METTL4: variants seen among roughly 807,000 people sequenced by gnomAD.
METTL4 encodes N(6)-adenine-specific methyltransferase METTL4.
In METTL4, 40 loss-of-function variants were observed where a neutral mutation model predicts 54.0. The ratio of observed to expected loss-of-function variants is 0.74; its 90% CI spans 0.58 to 0.96. METTL4 has a LOEUF of 0.96. Among genes scored for constraint, METTL4 ranks in the 50% least tolerant of loss-of-function variants. The probability of loss-of-function intolerance (pLI) is 0.00; values close to 1 mark genes in which losing one functional copy is unlikely to be tolerated. For synonymous variants in METTL4, 169 were observed against 183.8 expected, an observed-to-expected ratio of 0.92 and a Z score of 0.65; for missense variants, 525 against 549.0, an observed-to-expected ratio of 0.96 and a Z score of 0.44.
At position 2,537,842 on chromosome 18, in the gene METTL4, T is replaced by C; in HGVS notation, c.*1158A>G. On this transcript the variant is annotated 3_prime_UTR_variant, in exon 9 of 9. Coordinates refer to ENST00000574538, the MANE Select transcript of METTL4 (RefSeq NM_022840.5). ...ATTACACATTGCATGATTCCATTTA[T>C]ATGAAATTCTCAAACAGCAGAACTA... 2.5e-6 allele frequency: 1 copy of C among 398,486 alleles called. No individual in the cohort carries two copies. Among genetic ancestry groups the C allele is most frequent in the Non-Finnish European group, 4.4e-6 (1 of 226,008 alleles). 24.7% of individuals were successfully genotyped at this position (398,486 alleles called of 1,614,324 possible).
intron 5 of METTL4, 43 bp from the exon 6 acceptor site, chr18:2,547,572 A>G: frequency 2.0e-6 from 3 of 1,480,278 alleles, no homozygotes; most frequent in Non-Finnish European, 2.7e-6. Flanking sequence ...TTCACTGCAA[A>G]AGAAGAAAAC....
rs190277090 is a variant in METTL4 at position 2,559,454 on chromosome 18, G to A, written c.459+4343C>T. On this transcript the variant is annotated intron_variant, in intron 3 of 8. Transcript: ENST00000574538. The stretch of plus-strand genomic sequence containing the variant: ...ACCAGGCAGCAGGGGAAGGGGGAGT[G>A]GGGAGTTACTATTTAATGTGTAGTT... Among the ~76,000 whole-genome samples, 1,060 of 152,074 alleles carry A rather than the reference G, an allele frequency of 7.0e-3. 15 individuals are homozygous for A. Among genetic ancestry groups the A allele is most frequent in the African/African-American group, 0.024 (1,013 of 41,474 alleles).
intron 8 of METTL4, chr18:2,540,500 A>C: frequency 1.0e-6 from 1 of 985,302 alleles, no homozygotes; most frequent in South Asian, 4.7e-5. Flanking sequence ...ATACTTGTTC[A>C]TCTGTCAGAA....
At position 2,567,205 on chromosome 18, in the gene METTL4, T is replaced by C. The variant is rs201338969; in HGVS notation, c.12A>G (p.Val4=). The change falls in exon 2 of 9, where the codon GTA becomes GTG. Residue 4 remains valine (V), a synonymous_variant. Transcript: ENST00000574538. MSV[V]HQLSAGWLLD... The stretch of plus-strand genomic sequence containing the variant: ...GTAACCACCCAGCTGACAACTGGTG[T>C]ACCACAGACATTCCCTTCCTTTAAA... 3.1e-4 allele frequency: 493 copies of C among 1,591,342 alleles called. No homozygotes were observed. Among genetic ancestry groups the C allele is most frequent in the Non-Finnish European group, 4.1e-4 (484 of 1,168,394 alleles).
At chr18:2,550,890 C>A (rs1445560541) in intron 5 of METTL4, among the ~76,000 whole-genome samples, 2 of 152,076 alleles carry the variant, frequency 1.3e-5, no homozygotes, top group African/African-American at 4.8e-5. Context: ...ATCAGCCGGG[C>A]GCGGTGGCTC....
chr18:2,544,095 CTGACT>C (rs1199573234), intron 8 of METTL4, 95 bp downstream of exon 8: 1 of 806,586 alleles, frequency 1.2e-6, no homozygotes. Context: ...CAACCTACGT[CTGACT>C]TAATTTCCGA....
chr18:2,564,002 T>C, intron 2 of METTL4, 143 bp from the exon 3 acceptor site: 1 of 554,722 alleles, frequency 1.8e-6, no homozygotes, highest in Admixed American at 3.5e-5. Context: ...TCAAAATCAA[T>C]GCAAAGGGTA....
chr18:2,544,318 T>C, intron 7 of METTL4, 32 bp from the exon 8 acceptor site: 1 of 1,535,606 alleles, frequency 6.5e-7, no homozygotes, highest in Non-Finnish European at 8.9e-7. Context: ...GTAAACTATA[T>C]TTTAAAAAAC....
At chr18:2,554,622 C>CA (rs1394161255) in intron 4 of METTL4, 47 bp downstream of exon 4, 1 of 1,553,468 alleles carries the variant, frequency 6.4e-7, no homozygotes, top group Non-Finnish European at 8.7e-7. Flanking sequence ...CTTTTCAGCC[C>CA]ACGGAAAAAT....
Position 2,541,931 on chromosome 18 carries a change from C to T in METTL4, c.1273+2264G>A, listed in dbSNP as rs182653681. On this transcript the variant is annotated intron_variant, in intron 8 of 8. Transcript: ENST00000574538. ...ATATACTGCAGAAATCTGAGAGATG[C>T]TTTCTGAAATATATAGAAACATGAA... is the stretch of plus-strand genomic sequence containing the variant. Among the ~76,000 whole-genome samples the T allele has an allele frequency of 1.1e-3, 165 of 152,144 alleles. 4 individuals carry two copies. Among genetic ancestry groups the T allele is most frequent in the African/African-American group, 3.8e-3 (158 of 41,536 alleles).
chr18:2,565,638 T>C (rs2072397896), intron 2 of METTL4, among the ~76,000 whole-genome samples: 1 of 152,222 alleles, frequency 6.6e-6, no homozygotes, highest in Non-Finnish European at 1.5e-5. Flanking sequence ...GTATTTAATA[T>C]CTTTCTTCTT....
rs770737414 is a variant in METTL4, at chr18:2,544,717, G to A, written c.1117C>T (p.His373Tyr). 1 of 1,612,950 alleles carries A rather than the reference G, an allele frequency of 6.2e-7. No homozygotes were observed. The highest frequency in any genetic ancestry group is 8.5e-7 in the Non-Finnish European group (1 of 1,179,462). ...GEFVFPLDSP[H>Y]KKPYEGLILG... ...ATAAGACCTTCGTAGGGCTTTTTGT[G>A]TGGAGAATCTAATGGGAACACAAAT... is the stretch of plus-strand genomic sequence containing the variant. The change falls in exon 7 of 9, where the codon CAC becomes TAC. Residue 373 changes from histidine to tyrosine, a missense_variant. Transcript: ENST00000574538.
intron 1 of METTL4, chr18:2,568,439 T>G (rs1254846651): frequency 2.6e-5 from 1 of 38,198 alleles, no homozygotes; most frequent in East Asian, 9.5e-4. Flanking sequence ...AATTTCCAAC[T>G]GTTGGAAGAA....
intron 8 of METTL4, chr18:2,540,845 C>T (rs1598340131): frequency 1.0e-6 from 1 of 985,320 alleles, no homozygotes; most frequent in Non-Finnish European, 1.2e-6. Flanking sequence ...ATTTTTGGTA[C>T]GAAGATGTTA....
intron 3 of METTL4, among the ~76,000 whole-genome samples, chr18:2,560,513 A>G (rs1040890840): frequency 7.9e-5 from 12 of 152,204 alleles, no homozygotes; most frequent in Non-Finnish European, 1.6e-4. Context: ...ATAATTATAT[A>G]TAAGGCCGAA....
chr18:2,554,072 C>A (rs2072200505), intron 4 of METTL4: 1 of 152,142 alleles, frequency 6.6e-6, no homozygotes. Context: ...CTCAAAATGA[C>A]CCTAAGCAGC....
chr18:2,540,628 C>T (rs2071980660), intron 8 of METTL4: 2 of 985,268 alleles, frequency 2.0e-6, no homozygotes, highest in African/African-American at 1.7e-5. Context: ...ACGAAGGCTT[C>T]TAACCCTTTC....
intron 2 of METTL4, among the ~76,000 whole-genome samples, chr18:2,566,136 A>G (rs2072415208): frequency 6.6e-6 from 1 of 151,628 alleles, no homozygotes; most frequent in Non-Finnish European, 1.5e-5. Flanking sequence ...CAATGCTGAT[A>G]TCAGATATCT....
intron 8 of METTL4, chr18:2,539,850 T>TA (rs1383852959): frequency 2.2e-5 from 18 of 823,648 alleles, no homozygotes; most frequent in Non-Finnish European, 2.4e-5. Context: ...AACAACCCAT[T>TA]TAAAAAAAAA....
Sources: allele counts gnomAD v4.1 joint callset (sites outside exome capture counted in the v4.1 genomes callset), GRCh38; gene constraint gnomAD v4.1.1; transcripts MANE v1.5; gene names NCBI Gene and HGNC (gene_info 2026-07-23, HGNC 2026-07-21).